Variants in KDM2B observed in about 807,000 individuals in gnomAD.
KDM2B encodes the protein lysine demethylase 2B, also known as lysine-specific demethylase 2B.
In KDM2B, 26 loss-of-function variants were observed where a neutral mutation model predicts 150.0. The observed-to-expected ratio is 0.17, with a 90% CI of 0.13 to 0.24. KDM2B has a LOEUF of 0.24. Among genes scored for constraint, KDM2B ranks in the 10% least tolerant of loss-of-function variants. KDM2B has a pLI of 1.00. For missense variants in KDM2B, 1,265 were observed against 1,816.9 expected, an observed-to-expected ratio of 0.70 and a Z score of 5.52; for synonymous variants, 734 against 729.5, an observed-to-expected ratio of 1.01 and a Z score of -0.10.
At chr12:121,465,265 T>C (rs868920985) in intron 12 of KDM2B, among the ~76,000 whole-genome samples, 22 of 152,348 alleles carry the variant, frequency 1.4e-4, no homozygotes, top group African/African-American at 5.1e-4. Flanking sequence ...CTCACTCTCG[T>C]CGCTCAGGCT....
chr12:121,454,161 A>C (rs1877831611), intron 12 of KDM2B, among the ~76,000 whole-genome samples: 1 of 152,104 alleles, frequency 6.6e-6, no homozygotes, highest in Admixed American at 6.5e-5. Context: ...AGCGCTCATG[A>C]TGGTAATCAT....
chr12:121,529,638 C>T (rs530904540), intron 8 of KDM2B, among the ~76,000 whole-genome samples: 2 of 151,908 alleles, frequency 1.3e-5, no homozygotes, highest in Non-Finnish European at 2.9e-5. Flanking sequence ...ACCTAAAATA[C>T]TCATCTAGGG....
intron 2 of KDM2B, among the ~76,000 whole-genome samples, chr12:121,576,810 C>T (rs993586012): frequency 2.6e-5 from 4 of 152,274 alleles, no homozygotes; most frequent in South Asian, 2.1e-4. Flanking sequence ...CCTCTCCGAC[C>T]GTCAGAAGGG....
chr12:121,574,834 G>C (rs921767551), intron 3 of KDM2B, among the ~76,000 whole-genome samples: 1 of 152,210 alleles, frequency 6.6e-6, no homozygotes, highest in Non-Finnish European at 1.5e-5. Context: ...CCTCAGCAGA[G>C]GGTAGGACAT....
Position 121,442,851 on chromosome 12 carries a change from G to A in KDM2B, c.2605-15C>T, listed in dbSNP as rs782787918. 6.6e-6 allele frequency: 10 copies of A among 1,517,140 alleles called. No individual in the cohort carries two copies. Among genetic ancestry groups the A allele is most frequent in the Admixed American group, 4.7e-5 (2 of 42,750 alleles). 94.0% of individuals were successfully genotyped at this position (1,517,140 alleles called of 1,614,324 possible). On this transcript the variant is annotated splice_polypyrimidine_tract_variant and intron_variant, in intron 18 of 22. Coordinates refer to ENST00000377071, the MANE Select transcript of KDM2B (RefSeq NM_032590.5). The surrounding 1 kb of genome is among the most constrained non-coding windows in gnomAD (Gnocchi z 7.7). ...CAGGACCGCCGCTGAGGGCGAGAGC[G>A]GAGACGCGTCAGCCTCTGGGGCTCA...
At chr12:121,490,407 T>C (rs1441648797) in intron 12 of KDM2B, among the ~76,000 whole-genome samples, 4 of 152,114 alleles carry the variant, frequency 2.6e-5, no homozygotes, top group South Asian at 4.1e-4. Flanking sequence ...CTAGAGATAA[T>C]GGATGAAGAA....
At position 121,442,190 on chromosome 12, in the gene KDM2B, A is replaced by G; in HGVS notation, c.3251T>C (p.Val1084Ala). 6.2e-7 allele frequency: 1 copy of G among 1,613,206 alleles called. No homozygotes were observed. The highest frequency in any genetic ancestry group is 8.5e-7 in the Non-Finnish European group (1 of 1,179,850). Reference protein sequence around the residue: ...FSYLSHQDLCVCMRVCRTWNR... With the variant: ...FSYLSHQDLCACMRVCRTWNR... ...CCAGGTCCTGCAGACCCGCATGCACACACACAGGTCTTGGTGGCTGAGGTA... is the reference window on the plus strand; with the variant it reads ...CCAGGTCCTGCAGACCCGCATGCACGCACACAGGTCTTGGTGGCTGAGGTA... The change falls in exon 19 of 23, where the codon GTG becomes GCG. Residue 1084 changes from valine (V) to alanine (A), a missense_variant. Physicochemically the swap from Val to Ala is moderately conservative, Grantham distance 64. Coordinates refer to ENST00000377071, the MANE Select transcript of KDM2B (RefSeq NM_032590.5). The surrounding 1 kb of genome is among the most constrained non-coding windows in gnomAD (Gnocchi z 7.7).
At chr12:121,524,894 C>T (rs868918984) in intron 8 of KDM2B, 3 of 243,526 alleles carry the variant, frequency 1.2e-5, no homozygotes, top group Middle Eastern at 1.7e-3. Flanking sequence ...TTCTCTGGGA[C>T]CTCAGGGGGC....
At chr12:121,551,401 A>G (rs1889480952) in intron 4 of KDM2B, among the ~76,000 whole-genome samples, 1 of 149,334 alleles carries the variant, frequency 6.7e-6, no homozygotes, top group African/African-American at 2.5e-5. Flanking sequence ...GCTGGAGAGC[A>G]ATGGCACGAT....
intron 9 of KDM2B, chr12:121,516,859 T>C: frequency 3.2e-6 from 2 of 626,270 alleles, no homozygotes; most frequent in South Asian, 1.7e-5. Flanking sequence ...CAATTTGTTT[T>C]TCTCCTGGAA....
At chr12:121,578,514 C>A (rs933364864) in intron 2 of KDM2B, among the ~76,000 whole-genome samples, 9 of 152,250 alleles carry the variant, frequency 5.9e-5, no homozygotes, top group African/African-American at 2.2e-4. Context: ...CTCCCTCGGT[C>A]CGCCTGTCCA....
intron 12 of KDM2B, among the ~76,000 whole-genome samples, chr12:121,457,992 G>A (rs1203406005): frequency 6.6e-6 from 1 of 152,068 alleles, no homozygotes; most frequent in Non-Finnish European, 1.5e-5. Context: ...CTAAATTAAA[G>A]GAAAGACATC....
intron 4 of KDM2B, among the ~76,000 whole-genome samples, chr12:121,552,854 G>C (rs1221318980): frequency 2.6e-5 from 4 of 152,100 alleles, no homozygotes; most frequent in Non-Finnish European, 5.9e-5. Flanking sequence ...GGCAAGGCTA[G>C]CTCCTTCCTT....
chr12:121,418,191 C>T, the KDM2B span: 1 of 380,814 alleles, frequency 2.6e-6, no homozygotes, highest in Non-Finnish European at 4.8e-6. Flanking sequence ...TAGACACTAA[C>T]TGTTGAAGAA....
chr12:121,473,667 C>T (rs1425820085), intron 12 of KDM2B, among the ~76,000 whole-genome samples: 2 of 135,354 alleles, frequency 1.5e-5, no homozygotes, highest in African/African-American at 2.8e-5. Flanking sequence ...TGCAGTGAGA[C>T]AAGATTGAGC....
chr12:121,574,625 G>C (rs369148802), intron 3 of KDM2B, 32 bp from the exon 4 acceptor site: 4 of 1,609,984 alleles, frequency 2.5e-6, no homozygotes, highest in Non-Finnish European at 3.4e-6. Flanking sequence ...CCTTTGGTGA[G>C]AGGCCAGAAA....
rs782507022 is a variant in KDM2B, at chr12:121,513,241, C to G, written c.1174+35G>C. ...GAAAATGATTTCTGCCCCAGCTGTGCAGCCGAGGCCGTGGGCTCCCTCCGG... is the reference window on the plus strand; with the variant it reads ...GAAAATGATTTCTGCCCCAGCTGTGGAGCCGAGGCCGTGGGCTCCCTCCGG... On this transcript the variant is annotated intron_variant, in intron 10 of 22. Coordinates refer to ENST00000377071, the MANE Select transcript of KDM2B (RefSeq NM_032590.5). This position sits in a 1 kb window ranked among gnomAD's most constrained non-coding sequence, Gnocchi z 5.0. 1 of 1,603,334 alleles carries G rather than the reference C, an allele frequency of 6.2e-7. No homozygotes were observed. Among genetic ancestry groups the G allele is most frequent in the South Asian group, 1.1e-5 (1 of 90,854 alleles).
chr12:121,526,305 A>G (rs1887127191), intron 8 of KDM2B, among the ~76,000 whole-genome samples: 1 of 152,060 alleles, frequency 6.6e-6, no homozygotes, highest in Admixed American at 6.6e-5. Context: ...GTGAGCCAAT[A>G]TTGTGCCATT....
intron 8 of KDM2B, among the ~76,000 whole-genome samples, chr12:121,531,879 G>A (rs1349231526): frequency 6.6e-6 from 1 of 152,160 alleles, no homozygotes; most frequent in African/African-American, 2.4e-5. Flanking sequence ...AATCCCTTGA[G>A]GCCAGGAGTT....
Sources: allele counts gnomAD v4.1 joint callset (sites outside exome capture counted in the v4.1 genomes callset), GRCh38; gene constraint gnomAD v4.1.1; non-coding constraint Gnocchi (gnomAD v3.1); transcripts MANE v1.5; gene names NCBI Gene and HGNC (gene_info 2026-07-23, HGNC 2026-07-21).